The following PRDM16 variants were observed in gnomAD, a reference collection of about 807,000 sequenced individuals.
PRDM16 encodes the protein PR/SET domain 16.
A neutral mutation model predicts 110.6 loss-of-function variants in PRDM16; 23 were observed. That is an observed-to-expected ratio of 0.21 (90% CI 0.15 to 0.29). The LOEUF is 0.29. Among genes scored for constraint, PRDM16 ranks in the 10% least tolerant of loss-of-function variants. The pLI is 1.00. For missense variants in PRDM16, 1,615 were observed against 1,794.3 expected, an observed-to-expected ratio of 0.90 and a Z score of 1.81; for synonymous variants, 799 against 781.8, an observed-to-expected ratio of 1.02 and a Z score of -0.37.
intron 3 of PRDM16, chr1:3,309,650 G>A (rs1460733504): frequency 6.6e-6 from 1 of 152,284 alleles, no homozygotes; most frequent in Non-Finnish European, 1.5e-5. Context: ...AGCTGTCCTT[G>A]TCCTGGTTGT....
intron 3 of PRDM16, among the ~76,000 whole-genome samples, chr1:3,372,670 C>G (rs1019866986): frequency 1.3e-5 from 2 of 152,270 alleles, no homozygotes; most frequent in African/African-American, 2.4e-5. Flanking sequence ...TAACGTGCAA[C>G]CTTCAGGCTC....
At position 3,190,928 on chromosome 1, in the gene PRDM16, C is replaced by G. The variant is rs915049370; in HGVS notation, c.387+4454C>G. On this transcript the variant is annotated intron_variant, in intron 2 of 16. Transcript: ENST00000270722. The surrounding 1 kb of genome is among the most constrained non-coding windows in gnomAD (Gnocchi z 5.0). ...AGGCACTGGGGAGGCCACCTGCCCC[C>G]GGCTGGGCCTTCAGCTGTGTGTCCA... 6.6e-6 allele frequency among the ~76,000 whole-genome samples: 1 copy of G among 152,194 alleles called. No individual in the cohort carries two copies. Among genetic ancestry groups the G allele is most frequent in the Non-Finnish European group, 1.5e-5 (1 of 68,034 alleles).
intron 3 of PRDM16, among the ~76,000 whole-genome samples, chr1:3,362,652 C>A (rs1268964129): frequency 6.6e-6 from 1 of 152,162 alleles, no homozygotes; most frequent in Admixed American, 6.5e-5. Context: ...GTCATCAGAA[C>A]TCTCTGGAAG....
intron 4 of PRDM16, among the ~76,000 whole-genome samples, chr1:3,392,795 T>C (rs1328240482): frequency 6.6e-6 from 1 of 152,220 alleles, no homozygotes; most frequent in Non-Finnish European, 1.5e-5. Context: ...TCTAGGCTCT[T>C]CTCGGGCAAT....
At position 3,069,247 on chromosome 1, in the gene PRDM16, G is replaced by T. The variant is rs756052934; in HGVS notation, c.-13G>T. Reference sequence around the variant, plus strand: ...ACTCAAGGAGGAGGAGAGAGATTCCGCGAGCCGACACCATGCGATCCAAGG... The same window carrying T: ...ACTCAAGGAGGAGGAGAGAGATTCCTCGAGCCGACACCATGCGATCCAAGG... On this transcript the variant is annotated 5_prime_UTR_variant, in exon 1 of 17. Coordinates refer to ENST00000270722, the MANE Select transcript of PRDM16 (RefSeq NM_022114.4). The surrounding 1 kb of genome is among the most constrained non-coding windows in gnomAD (Gnocchi z 6.1). 3.2e-6 allele frequency: 5 copies of T among 1,576,146 alleles called. No homozygotes were observed. The highest frequency in any genetic ancestry group is 4.3e-6 in the Non-Finnish European group (5 of 1,162,480).
rs571068706 is a variant in PRDM16, at chr1:3,193,148, C to T, written c.387+6674C>T. On this transcript the variant is annotated intron_variant, in intron 2 of 16. Transcript: ENST00000270722. ...GGCCAGACGACGAGTACCCAGCAGA[C>T]GCAGCGGCTTACCAGGGGGCAGCTT... 1.2e-4 allele frequency among the ~76,000 whole-genome samples: 18 copies of T among 152,324 alleles called. No individual in the cohort carries two copies. The East Asian group carries it at 1.5e-3, about 13-fold the overall frequency.
chr1:3,357,810 C>T (rs183400017), intron 3 of PRDM16, among the ~76,000 whole-genome samples: 196 of 152,334 alleles, frequency 1.3e-3, no homozygotes, highest in African/African-American at 4.4e-3. Flanking sequence ...GTGCTGCTGG[C>T]ATCTGGTAGC....
At position 3,173,275 on chromosome 1, in the gene PRDM16, C is replaced by A. The variant is rs541395288; in HGVS notation, c.38-12850C>A. On this transcript the variant is annotated intron_variant, in intron 1 of 16. Transcript: ENST00000270722. ...AAGGCCAAATCACATCTCTCTGAAA[C>A]AAAGAGGCTTTTTACCCGGAACAAG... is the stretch of plus-strand genomic sequence containing the variant. Among the ~76,000 whole-genome samples the A allele has an allele frequency of 1.3e-3, 197 of 152,334 alleles. 1 individual carries two copies. Among genetic ancestry groups the A allele is most frequent in the Middle Eastern group, 3.4e-3 (1 of 294 alleles).
chr1:3,325,958 G>A (rs1381569458), intron 3 of PRDM16, among the ~76,000 whole-genome samples: 3 of 129,962 alleles, frequency 2.3e-5, no homozygotes, highest in African/African-American at 6.0e-5. Flanking sequence ...CATCCTCGAC[G>A]ATCCTTGGTC....
intron 1 of PRDM16, among the ~76,000 whole-genome samples, chr1:3,170,581 C>T (rs978886342): frequency 1.3e-5 from 2 of 152,138 alleles, no homozygotes; most frequent in African/African-American, 4.8e-5. Flanking sequence ...CTGCGAGGGG[C>T]GGGGAGTCAG....
At chr1:3,422,244 C>G (rs1638458697) in intron 12 of PRDM16, among the ~76,000 whole-genome samples, 1 of 148,510 alleles carries the variant, frequency 6.7e-6, no homozygotes. Flanking sequence ...GGCAGACAGG[C>G]AAGAAGGCAG....
chr1:3,434,839 A>C lies in PRDM16; in HGVS notation c.*1028A>C. On this transcript the variant is annotated 3_prime_UTR_variant, in exon 17 of 17. Transcript: ENST00000270722. ...GCGGGAACCCAGCGCCGTCCTCTGA[A>C]GGCAGGGCCTTGGCCACGTCCTGGG... 4.3e-6 allele frequency: 1 copy of C among 232,130 alleles called. No individual in the cohort carries two copies. Among genetic ancestry groups the C allele is most frequent in the Non-Finnish European group, 8.5e-6 (1 of 117,330 alleles). 14.4% of individuals were successfully genotyped at this position (232,130 alleles called of 1,614,324 possible). A position where few individuals can be genotyped will look rare whatever the true frequency, so the allele number is the denominator to read the frequency against.
Position 3,438,098 on chromosome 1 carries a change from T to C in PRDM16, c.*4287T>C, listed in dbSNP as rs1438161642. On this transcript the variant is annotated 3_prime_UTR_variant, in exon 17 of 17. Transcript: ENST00000270722. ...AAAGAAATCAAATGTAAATGTCTGG[T>C]TTTCATATAATGTTTAAAAAGACCA... The C allele has an allele frequency of 9.7e-6, 2 of 206,670 alleles. No individual in the cohort carries two copies. Among genetic ancestry groups the C allele is most frequent in the African/African-American group, 4.6e-5 (2 of 43,834 alleles). 12.8% of individuals were successfully genotyped at this position (206,670 alleles called of 1,614,324 possible).
intron 3 of PRDM16, among the ~76,000 whole-genome samples, chr1:3,376,795 A>G (rs999196451): frequency 7.0e-6 from 1 of 142,236 alleles, no homozygotes; most frequent in Admixed American, 7.2e-5. Context: ...CAGCCTAAGC[A>G]GGTGGGCCCC....
intron 3 of PRDM16, among the ~76,000 whole-genome samples, chr1:3,324,971 G>A (rs1008299210): frequency 8.5e-5 from 13 of 152,140 alleles, no homozygotes; most frequent in Admixed American, 7.9e-4. Flanking sequence ...GGATGCACGC[G>A]AGGGGCTGAG....
At chr1:3,129,891 C>T (rs1483883131) in intron 1 of PRDM16, among the ~76,000 whole-genome samples, 1 of 152,222 alleles carries the variant, frequency 6.6e-6, no homozygotes, top group Non-Finnish European at 1.5e-5. Context: ...CTCTCTCCTA[C>T]TTCCCGCTTT....
intron 1 of PRDM16, among the ~76,000 whole-genome samples, chr1:3,150,412 A>G (rs1042611823): frequency 4.8e-5 from 7 of 145,042 alleles, no homozygotes; most frequent in Non-Finnish European, 1.0e-4. Context: ...AAAAAAAATC[A>G]GCTGGGCGTG....
intron 1 of PRDM16, among the ~76,000 whole-genome samples, chr1:3,098,368 G>A (rs1338866747): frequency 6.6e-6 from 1 of 152,202 alleles, no homozygotes; most frequent in Non-Finnish European, 1.5e-5. Context: ...CCACTGGGGG[G>A]TTGCGGAGTG....
chr1:3,158,554 G>A (rs1057383799), intron 1 of PRDM16, among the ~76,000 whole-genome samples: 3 of 152,250 alleles, frequency 2.0e-5, no homozygotes, highest in Admixed American at 6.5e-5. Context: ...CTCATGGCGA[G>A]AAGGCACGAT....
Sources: allele counts gnomAD v4.1 joint callset (sites outside exome capture counted in the v4.1 genomes callset), GRCh38; gene constraint gnomAD v4.1.1; non-coding constraint Gnocchi (gnomAD v3.1); transcripts MANE v1.5; gene names NCBI Gene and HGNC (gene_info 2026-07-23, HGNC 2026-07-21).